The following NADK2 variants were observed in gnomAD, a reference collection of about 807,000 sequenced individuals.
NADK2 encodes NAD kinase domain-containing protein 1, mitochondrial.
In NADK2, 35 loss-of-function variants were observed where a neutral mutation model predicts 62.1. The observed-to-expected ratio is 0.56, with a 90% CI of 0.43 to 0.75. The LOEUF (loss-of-function observed/expected upper bound fraction) is 0.75. NADK2 is among the 30% of genes least tolerant of loss of function. The pLI is 0.00. For synonymous variants in NADK2, 205 were observed against 207.9 expected (o/e 0.99, Z 0.12); for missense variants, 439 against 561.3 (o/e 0.78, Z 2.20).
Position 36,193,811 on chromosome 5 carries a change from T to C in NADK2, c.*1333A>G, listed in dbSNP as rs1430911368. ...CACTCAATTCGACTATCCGTCCAGC[T>C]TTCACAGAATTTACTTCTGAGCCCA... On this transcript the variant is annotated 3_prime_UTR_variant, in exon 12 of 12. Coordinates refer to ENST00000381937, the MANE Select transcript of NADK2 (RefSeq NM_001085411.3). The C allele has an allele frequency of 6.6e-6, 1 of 152,620 alleles. No individual in the cohort carries two copies. The highest frequency in any genetic ancestry group is 1.5e-5 in the Non-Finnish European group (1 of 68,038). 9.5% of individuals were successfully genotyped at this position (152,620 alleles called of 1,614,324 possible).
chr5:36,214,369 G>A (rs901666912), intron 6 of NADK2, among the ~76,000 whole-genome samples: 8 of 152,038 alleles, frequency 5.3e-5, no homozygotes, highest in South Asian at 2.1e-4. Flanking sequence ...TAGTAGAGAC[G>A]AGGTTTTACC....
intron 1 of NADK2, among the ~76,000 whole-genome samples, chr5:36,239,740 A>G (rs1748039413): frequency 6.6e-6 from 1 of 152,208 alleles, no homozygotes; most frequent in South Asian, 2.1e-4. Flanking sequence ...TCAAAATGCC[A>G]GTACTGTAAA....
chr5:36,208,248 A>G (rs1257061757), intron 7 of NADK2, among the ~76,000 whole-genome samples: 5 of 152,006 alleles, frequency 3.3e-5, no homozygotes, highest in African/African-American at 1.2e-4. Flanking sequence ...TTTTTTCTCT[A>G]TAGTCAGAAT....
Position 36,226,544 on chromosome 5 carries a change from G to A in NADK2, c.409C>T (p.Arg137Cys), listed in dbSNP as rs539457956. 1.9e-5 allele frequency: 30 copies of A among 1,611,992 alleles called. No individual in the cohort carries two copies. The highest frequency in any genetic ancestry group is 2.2e-5 in the South Asian group (2 of 90,998). The change falls in exon 3 of 12, where the codon CGT becomes TGT. Residue 137 changes from arginine to cysteine, a missense_variant. Arg to Cys is a radical substitution (Grantham distance 180, BLOSUM62 -3). Coordinates refer to ENST00000381937, the MANE Select transcript of NADK2 (RefSeq NM_001085411.3). ...TCATATTCTCTCCTCTTTACTAGACGAACCTCAATTCCCTCATTCCTAGGA... is the reference window on the plus strand; with the variant it reads ...TCATATTCTCTCCTCTTTACTAGACAAACCTCAATTCCCTCATTCCTAGGA... Reference protein sequence around the residue: ...DSLRNEGIEVRLVKRREYDEE... With the variant: ...DSLRNEGIEVCLVKRREYDEE...
intron 10 of NADK2, 44 bp downstream of exon 10, chr5:36,200,183 A>G: frequency 7.0e-7 from 1 of 1,423,888 alleles, no homozygotes; most frequent in Non-Finnish European, 9.5e-7. Flanking sequence ...CTTAAAACTG[A>G]AACAGAACTA....
intron 1 of NADK2, among the ~76,000 whole-genome samples, chr5:36,227,844 T>A (rs867049196): frequency 2.0e-5 from 3 of 151,028 alleles, no homozygotes; most frequent in South Asian, 2.1e-4. Flanking sequence ...ATTTTTTTTA[T>A]GACTTTTTTT....
intron 1 of NADK2, among the ~76,000 whole-genome samples, chr5:36,240,558 A>ACTG (rs1350737026): frequency 6.6e-6 from 1 of 152,128 alleles, no homozygotes; most frequent in African/African-American, 2.4e-5. Context: ...TTCTGGACAT[A>ACTG]CTGCTCATGG....
At chr5:36,229,206 C>T (rs1011513536) in intron 1 of NADK2, among the ~76,000 whole-genome samples, 1 of 19,782 alleles carries the variant, frequency 5.1e-5, no homozygotes, top group African/African-American at 9.8e-5. Flanking sequence ...TTGTAATTTT[C>T]GTTATGTTCT....
chr5:36,229,138 C>A (rs1430450413), intron 1 of NADK2, among the ~76,000 whole-genome samples: 1 of 152,154 alleles, frequency 6.6e-6, no homozygotes, highest in Non-Finnish European at 1.5e-5. Flanking sequence ...TACCTACCTT[C>A]CCCATCTTTT....
Position 36,241,576 on chromosome 5 carries a change from C to T in NADK2, c.223G>A (p.Ala75Thr). Residue 75 changes from alanine to threonine, a missense_variant, in exon 1 of 12, where the codon GCC becomes ACC. By Grantham distance (58) the Ala-to-Thr change is moderately conservative. Coordinates refer to ENST00000381937, the MANE Select transcript of NADK2 (RefSeq NM_001085411.3). This position sits in a 1 kb window ranked among gnomAD's most constrained non-coding sequence, Gnocchi z 4.9. ...GFRPSRVVVV[A>T]KTTRYEFEQQ... Reference sequence around the variant, plus strand: ...TCGAACTCGTACCGGGTGGTTTTGGCCACCACCACCACCCGGGAGGGGCGG... The same window carrying T: ...TCGAACTCGTACCGGGTGGTTTTGGTCACCACCACCACCCGGGAGGGGCGG... The T allele has an allele frequency of 2.6e-6, 4 of 1,534,342 alleles. No homozygotes were observed. Among genetic ancestry groups the T allele is most frequent in the South Asian group, 1.2e-5 (1 of 84,674 alleles).
At chr5:36,213,445 T>G (rs1746923539) in intron 6 of NADK2, among the ~76,000 whole-genome samples, 1 of 151,838 alleles carries the variant, frequency 6.6e-6, no homozygotes, top group Admixed American at 6.6e-5. Context: ...CATTATATTT[T>G]TCTCATTTCT....
chr5:36,220,823 C>T lies in NADK2; in HGVS notation c.561-1144G>A, dbSNP rs563974689. 6.6e-5 allele frequency among the ~76,000 whole-genome samples: 10 copies of T among 152,322 alleles called. 1 individual carries two copies. The South Asian group carries it at 2.1e-3, about 32-fold the overall frequency. ...ACTAGCACGACCACTTCCAGGGTTG[C>T]TCACTCACATGGCTGGCAAATTGGT... On this transcript the variant is annotated intron_variant, in intron 4 of 11. Coordinates refer to ENST00000381937, the MANE Select transcript of NADK2 (RefSeq NM_001085411.3).
intron 7 of NADK2, among the ~76,000 whole-genome samples, chr5:36,207,521 A>G (rs1289202239): frequency 6.6e-6 from 1 of 151,880 alleles, no homozygotes; most frequent in Non-Finnish European, 1.5e-5. Flanking sequence ...TAATATTTCA[A>G]ATAGGAGCTT....
In NADK2 at chr5:36,195,162, A is replaced by G; in HGVS notation, c.1311T>C (p.Thr437=). 1 of 1,610,352 alleles carries G rather than the reference A, an allele frequency of 6.2e-7. No homozygotes were observed. Among genetic ancestry groups the G allele is most frequent in the East Asian group, 2.2e-5 (1 of 44,802 alleles). The change falls in exon 12 of 12, where the codon ACT becomes ACC. Residue 437 remains threonine, a synonymous_variant. Transcript: ENST00000381937. Reference sequence around the variant, plus strand: ...AAATCCTTCACTGTTCAAGAAGCACAGTTCGAAGCTCATCTTCTTTATTGA... The same window carrying G: ...AAATCCTTCACTGTTCAAGAAGCACGGTTCGAAGCTCATCTTCTTTATTGA... ...MMINKEDELR[T]VLLEQ
At chr5:36,201,204 A>C (rs751089400) in intron 8 of NADK2, 43 bp from the exon 9 acceptor site, 1 of 1,534,724 alleles carries the variant, frequency 6.5e-7, no homozygotes, top group South Asian at 1.1e-5. Flanking sequence ...AATTCTAAAA[A>C]CATGCTAAAA....
intron 7 of NADK2, among the ~76,000 whole-genome samples, chr5:36,209,399 C>T (rs1746758249): frequency 6.6e-6 from 1 of 152,132 alleles, no homozygotes; most frequent in African/African-American, 2.4e-5. Flanking sequence ...TAAAGCAAAG[C>T]TAGCTCTCAG....
At chr5:36,197,513 A>C (rs1369813675) in intron 11 of NADK2, 28 bp downstream of exon 11, 1 of 1,611,714 alleles carries the variant, frequency 6.2e-7, no homozygotes, top group Non-Finnish European at 8.5e-7. Context: ...GGATGAAAAC[A>C]GTCAGAAGTC....
chr5:36,241,708 G>T lies in NADK2; in HGVS notation c.91C>A (p.Pro31Thr). The T allele has an allele frequency of 8.8e-7, 1 of 1,138,186 alleles. No homozygotes were observed. The highest frequency in any genetic ancestry group is 1.1e-6 in the Non-Finnish European group (1 of 932,070). The allele number at this position is 1,138,186 out of a possible 1,614,324, so 70.5% of individuals were successfully genotyped here. ...CCGCCCAGCCGGGGCCGCGCGGCGG[G>T]GCCTCCCGCACCCGGTCCCCGCAGC... ...AALRGPGAGG[P>T]AARPRLGGDG... The change falls in exon 1 of 12, where the codon CCC becomes ACC. Residue 31 changes from proline to threonine, a missense_variant. Physicochemically the swap from Pro to Thr is conservative, Grantham distance 38 (BLOSUM62 -1). Transcript: ENST00000381937. The surrounding 1 kb of genome is among the most constrained non-coding windows in gnomAD (Gnocchi z 4.9).
chr5:36,206,120 A>G (rs1746626192), intron 8 of NADK2, among the ~76,000 whole-genome samples: 1 of 152,044 alleles, frequency 6.6e-6, no homozygotes, highest in African/African-American at 2.4e-5. Context: ...AGGGAGGGGA[A>G]CATCACACAC....
Sources: allele counts gnomAD v4.1 joint callset (sites outside exome capture counted in the v4.1 genomes callset), GRCh38; gene constraint gnomAD v4.1.1; non-coding constraint Gnocchi (gnomAD v3.1); transcripts MANE v1.5; gene names NCBI Gene and HGNC (gene_info 2026-07-23, HGNC 2026-07-21).